The following SMC6 variants were observed in gnomAD, a reference collection of about 807,000 sequenced individuals.
SMC6 encodes the protein structural maintenance of chromosomes protein 6.
SMC6 carries 79 observed loss-of-function variants against 142.2 expected under a neutral mutation model. That is an observed-to-expected ratio of 0.56 (90% CI 0.46 to 0.67). The LOEUF is 0.67. Ranked by LOEUF, SMC6 falls within the 30% of genes least tolerant of loss-of-function variation. SMC6 has a pLI of 0.00. For synonymous variants in SMC6, 411 were observed against 412.4 expected, an observed-to-expected ratio of 1.00 and a Z score of 0.04; for missense variants, 1,072 against 1,284.0, an observed-to-expected ratio of 0.83 and a Z score of 2.52.
chr2:17,684,637 A>T (rs1336846618), intron 23 of SMC6, among the ~76,000 whole-genome samples: 1 of 152,176 alleles, frequency 6.6e-6, no homozygotes, highest in Non-Finnish European at 1.5e-5. Context: ...CAGCTTGGAC[A>T]ATATAGCAAG....
intron 24 of SMC6, chr2:17,681,466 C>A (rs1288381167): frequency 6.6e-6 from 1 of 152,192 alleles, no homozygotes; most frequent in Non-Finnish European, 1.5e-5. Context: ...ACCTTCCTCA[C>A]TAAGCTTAAT....
intron 26 of SMC6, among the ~76,000 whole-genome samples, chr2:17,666,780 C>T (rs577661408): frequency 4.0e-5 from 6 of 150,688 alleles, no homozygotes; most frequent in Admixed American, 2.6e-4. Flanking sequence ...GTCAGGAGTT[C>T]GAGACCAGCC....
intron 21 of SMC6, 38 bp from the exon 22 acceptor site, chr2:17,696,464 A>G: frequency 6.3e-7 from 1 of 1,589,846 alleles, no homozygotes. Context: ...TTGTTTTAAA[A>G]AAATTTCCAG....
At chr2:17,751,134 T>C (rs1362126173) in intron 2 of SMC6, among the ~76,000 whole-genome samples, 1 of 151,804 alleles carries the variant, frequency 6.6e-6, no homozygotes, top group Admixed American at 6.6e-5. Context: ...CCATTATAAG[T>C]TCATGGAACA....
chr2:17,713,473 G>A (rs1170651946), intron 16 of SMC6: 1 of 470,844 alleles, frequency 2.1e-6, no homozygotes, highest in African/African-American at 2.0e-5. Context: ...GCACAGGCTG[G>A]GACACACAAT....
intron 23 of SMC6, among the ~76,000 whole-genome samples, chr2:17,693,150 G>A (rs911164002): frequency 6.6e-6 from 1 of 152,084 alleles, no homozygotes; most frequent in Non-Finnish European, 1.5e-5. Flanking sequence ...TCAGTGTGGC[G>A]ATTGCTAAGG....
intron 27 of SMC6, 147 bp downstream of exon 27, chr2:17,666,273 C>A: frequency 1.8e-6 from 1 of 566,224 alleles, no homozygotes; most frequent in Non-Finnish European, 3.1e-6. Context: ...AAGAGAAAAA[C>A]ATCCCAAATC....
chr2:17,693,446 C>CA (rs1420517568), intron 23 of SMC6, among the ~76,000 whole-genome samples: 15 of 151,704 alleles, frequency 9.9e-5, no homozygotes, highest in African/African-American at 3.4e-4. Flanking sequence ...ATCACAAGGA[C>CA]AAAAAACCAA....
chr2:17,686,476 C>T (rs1002203818), intron 23 of SMC6, among the ~76,000 whole-genome samples: 11 of 151,954 alleles, frequency 7.2e-5, no homozygotes, highest in Admixed American at 5.2e-4. Context: ...AGTGAGACTC[C>T]GTCCCAAAAA....
intron 3 of SMC6, among the ~76,000 whole-genome samples, chr2:17,742,726 G>A (rs1260149071): frequency 6.6e-6 from 1 of 152,054 alleles, no homozygotes; most frequent in Non-Finnish European, 1.5e-5. Context: ...CATGGTTGAC[G>A]AATTTTTAAA....
At chr2:17,684,161 C>T (rs1218447830) in intron 23 of SMC6, among the ~76,000 whole-genome samples, 1 of 152,132 alleles carries the variant, frequency 6.6e-6, no homozygotes, top group Non-Finnish European at 1.5e-5. Context: ...CTCAAGCCAG[C>T]ATTAGAATCC....
At chr2:17,673,936 C>T (rs1666889215) in intron 25 of SMC6, among the ~76,000 whole-genome samples, 1 of 152,120 alleles carries the variant, frequency 6.6e-6, no homozygotes, top group African/African-American at 2.4e-5. Context: ...GAGAAGACCA[C>T]CCTCTTCCAC....
intron 25 of SMC6, among the ~76,000 whole-genome samples, chr2:17,677,263 C>T (rs1029000865): frequency 1.3e-5 from 2 of 152,132 alleles, no homozygotes; most frequent in Non-Finnish European, 1.5e-5. Flanking sequence ...TATGATAGGG[C>T]TCACAGTCAA....
At chr2:17,728,772 AG>A (rs1393013045) in intron 7 of SMC6, among the ~76,000 whole-genome samples, 1 of 151,204 alleles carries the variant, frequency 6.6e-6, no homozygotes, top group Non-Finnish European at 1.5e-5. Flanking sequence ...TTTTTGAAAC[AG>A]GGTCTCGCTG....
intron 18 of SMC6, among the ~76,000 whole-genome samples, chr2:17,705,212 T>G (rs1279987845): frequency 6.6e-6 from 1 of 151,324 alleles, no homozygotes; most frequent in African/African-American, 2.4e-5. Context: ...GAGCCAAGAT[T>G]GCACCACTGC....
At chr2:17,695,665 A>G (rs1488518079) in intron 22 of SMC6, among the ~76,000 whole-genome samples, 1 of 152,194 alleles carries the variant, frequency 6.6e-6, no homozygotes, top group Non-Finnish European at 1.5e-5. Flanking sequence ...TTAAAAACAC[A>G]AACAAAGACC....
At chr2:17,703,345 A>G in intron 18 of SMC6, 53 bp from the exon 19 acceptor site, 9 of 1,515,662 alleles carry the variant, frequency 5.9e-6, no homozygotes, top group Non-Finnish European at 8.0e-6. Flanking sequence ...TCTCAATATT[A>G]CAAATACTTT....
chr2:17,738,518 C>G (rs1330177566), intron 4 of SMC6, among the ~76,000 whole-genome samples, 192 bp from the exon 5 acceptor site: 1 of 152,138 alleles, frequency 6.6e-6, no homozygotes, highest in Non-Finnish European at 1.5e-5. Flanking sequence ...AAAAATTGAA[C>G]TGCCATTATT....
chr2:17,721,410 G>T, intron 9 of SMC6, 149 bp from the exon 10 acceptor site: 1 of 884,688 alleles, frequency 1.1e-6, no homozygotes, highest in Non-Finnish European at 1.6e-6. Flanking sequence ...AATTATTCTT[G>T]ATTCTTTGGT....
Sources: allele counts gnomAD v4.1 joint callset (sites outside exome capture counted in the v4.1 genomes callset), GRCh38; gene constraint gnomAD v4.1.1; transcripts MANE v1.5; gene names NCBI Gene and HGNC (gene_info 2026-07-23, HGNC 2026-07-21).